EFCAB13: variants seen among roughly 807,000 people sequenced by gnomAD.
EFCAB13 encodes EF-hand calcium binding domain 13.
EFCAB13 carries 91 observed loss-of-function variants against 110.2 expected under a neutral mutation model. The ratio of observed to expected loss-of-function variants is 0.83; its 90% CI spans 0.70 to 0.98. The LOEUF (loss-of-function observed/expected upper bound fraction) is 0.98, where lower values mean the gene tolerates loss of function less well. Ranked by LOEUF, EFCAB13 falls within the 50% of genes least tolerant of loss-of-function variation. The pLI is 0.00. For synonymous variants in EFCAB13, 323 were observed against 369.9 expected, an observed-to-expected ratio of 0.87 and a Z score of 1.45; for missense variants, 968 against 1,119.4, an observed-to-expected ratio of 0.86 and a Z score of 1.93.
rs141180298 is a variant in EFCAB13, at chr17:47,440,144, T to C, written c.2639-287T>C. On this transcript the variant is annotated intron_variant, in intron 24 of 24. Coordinates refer to ENST00000331493, the MANE Select transcript of EFCAB13 (RefSeq NM_152347.5). ...TTAAAGAGGAATACATCCCTTGACA[T>C]ACTGTGGAAAATAAATAGAAGATGA... Among the ~76,000 whole-genome samples the C allele has an allele frequency of 2.4e-3, 370 of 152,256 alleles. 2 individuals carry two copies. The highest frequency in any genetic ancestry group is 3.8e-3 in the Non-Finnish European group (261 of 67,998).
chr17:47,384,752 C>G (rs1233573060), intron 14 of EFCAB13, among the ~76,000 whole-genome samples: 1 of 151,674 alleles, frequency 6.6e-6, no homozygotes, highest in Admixed American at 6.6e-5. Flanking sequence ...AACCTGACCT[C>G]TCTCTCTGGC....
chr17:47,427,159 C>A (rs891077705), intron 23 of EFCAB13, among the ~76,000 whole-genome samples: 1 of 152,042 alleles, frequency 6.6e-6, no homozygotes, highest in African/African-American at 2.4e-5. Context: ...AATGTAAATA[C>A]ATCACGTTTT....
intron 11 of EFCAB13, among the ~76,000 whole-genome samples, chr17:47,371,231 A>G (rs1041501917): frequency 2.0e-5 from 3 of 151,950 alleles, no homozygotes; most frequent in Non-Finnish European, 2.9e-5. Flanking sequence ...TTAGTTTAAT[A>G]TAGTCTCATT....
At chr17:47,428,590 C>T (rs1024723374) in intron 23 of EFCAB13, among the ~76,000 whole-genome samples, 9 of 152,018 alleles carry the variant, frequency 5.9e-5, no homozygotes, top group African/African-American at 2.2e-4. Context: ...ACATAATATG[C>T]CCATCGCCTT....
chr17:47,400,849 T>G (rs557056442), intron 17 of EFCAB13, among the ~76,000 whole-genome samples: 2 of 152,212 alleles, frequency 1.3e-5, no homozygotes, highest in African/African-American at 4.8e-5. Context: ...TACTGTAAAT[T>G]GAAGACACTT....
chr17:47,391,083 G>T (rs969050781), intron 14 of EFCAB13, among the ~76,000 whole-genome samples: 7 of 152,054 alleles, frequency 4.6e-5, no homozygotes, highest in Admixed American at 3.9e-4. Context: ...AGGAATACAG[G>T]TGCACACCAC....
chr17:47,409,344 A>C (rs2065821599), intron 20 of EFCAB13: 2 of 284,020 alleles, frequency 7.0e-6, no homozygotes, highest in Non-Finnish European at 1.3e-5. Context: ...ATTTTATTGA[A>C]TAGACCGGCT....
intron 17 of EFCAB13, among the ~76,000 whole-genome samples, chr17:47,397,443 G>A (rs1343180940): frequency 6.9e-6 from 1 of 145,288 alleles, no homozygotes; most frequent in African/African-American, 2.6e-5. Context: ...CCCCGTCTGG[G>A]AAGTGAGGAG....
chr17:47,414,937 G>A lies in EFCAB13; in HGVS notation c.2494+18G>A. On this transcript the variant is annotated intron_variant, in intron 23 of 24. Coordinates refer to ENST00000331493, the MANE Select transcript of EFCAB13 (RefSeq NM_152347.5). ...GTCCAAGGGTAAGTGAATACTTCTT[G>A]TTCAAGAGAATGGCTAGAAAATAAA... 1 of 1,508,520 alleles carries A rather than the reference G, an allele frequency of 6.6e-7. No individual in the cohort carries two copies. Among genetic ancestry groups the A allele is most frequent in the Non-Finnish European group, 9.1e-7 (1 of 1,097,092 alleles). 93.4% of individuals were successfully genotyped at this position (1,508,520 alleles called of 1,614,324 possible).
In EFCAB13 at chr17:47,440,652, C is replaced by T. The variant is rs759918419; in HGVS notation, c.2860C>T (p.His954Tyr). 1 of 1,605,322 alleles carries T rather than the reference C, an allele frequency of 6.2e-7. No individual in the cohort carries two copies. The highest frequency in any genetic ancestry group is 1.3e-5 in the African/African-American group (1 of 74,494). Residue 954 changes from histidine to tyrosine, a missense_variant, in exon 25 of 25, where the codon CAT (histidine) becomes TAT (tyrosine). Physicochemically the swap from His to Tyr is moderately conservative, Grantham distance 83. Transcript: ENST00000331493. ...MNIKQHKISLHNFCLNSKANI... is the reference protein window; with the variant it reads ...MNIKQHKISLYNFCLNSKANI... Reference sequence around the variant, plus strand: ...TATAAAACAACACAAGATTAGTTTACATAACTTCTGTTTGAATTCTAAGGC... The same window carrying T: ...TATAAAACAACACAAGATTAGTTTATATAACTTCTGTTTGAATTCTAAGGC...
At chr17:47,379,783 A>T (rs1413234674) in intron 14 of EFCAB13, among the ~76,000 whole-genome samples, 1 of 152,116 alleles carries the variant, frequency 6.6e-6, no homozygotes, top group African/African-American at 2.4e-5. Flanking sequence ...TTTTAGCAAG[A>T]TTAAAATGAG....
At chr17:47,333,100 G>A (rs56406726) in intron 4 of EFCAB13, among the ~76,000 whole-genome samples, 18,187 of 152,076 alleles carry the variant, frequency 0.12, 1,459 homozygotes, top group East Asian at 0.35. Flanking sequence ...GATAATAGCT[G>A]TTCTAACAGA....
chr17:47,404,560 A>G lies in EFCAB13; in HGVS notation c.2162-2A>G, dbSNP rs1304284189. On this transcript the variant is annotated splice_acceptor_variant, in intron 19 of 24. Transcript: ENST00000331493. LOFTEE classifies it high-confidence loss of function. Reference sequence around the variant, plus strand: ...TTTGTCATCTCTCTCTTTTCCTTGCAGAAGATAACATGGTGAACATTAAAG... The same window carrying G: ...TTTGTCATCTCTCTCTTTTCCTTGCGGAAGATAACATGGTGAACATTAAAG... 3.7e-6 allele frequency: 6 copies of G among 1,610,444 alleles called. No individual in the cohort carries two copies. Among genetic ancestry groups the G allele is most frequent in the Non-Finnish European group, 5.1e-6 (6 of 1,178,444 alleles).
At chr17:47,424,976 G>C (rs184267804) in intron 23 of EFCAB13, among the ~76,000 whole-genome samples, 3,068 of 133,258 alleles carry the variant, frequency 0.023, 110 homozygotes, top group East Asian at 0.2. Flanking sequence ...TCCGCCTCCC[G>C]GGTTCACGCC....
At chr17:47,383,247 T>C (rs530074299) in intron 14 of EFCAB13, among the ~76,000 whole-genome samples, 1 of 152,310 alleles carries the variant, frequency 6.6e-6, no homozygotes, top group South Asian at 2.1e-4. Context: ...GATTCATTGA[T>C]TTTTTGAAGT....
intron 24 of EFCAB13, among the ~76,000 whole-genome samples, chr17:47,434,775 AG>A (rs1905182399): frequency 6.6e-6 from 1 of 152,182 alleles, no homozygotes; most frequent in Non-Finnish European, 1.5e-5. Flanking sequence ...AACAAACAAA[AG>A]CATGAAGTAG....
chr17:47,424,205 C>T (rs530846506), intron 23 of EFCAB13, among the ~76,000 whole-genome samples: 161 of 152,324 alleles, frequency 1.1e-3, no homozygotes, highest in Admixed American at 2.2e-3. Flanking sequence ...ACGGCGGCAG[C>T]CAGGCTGTGC....
rs776396338 is a variant in EFCAB13, at chr17:47,429,979, G to A, written c.2638+18G>A. The stretch of plus-strand genomic sequence containing the variant: ...TGAACATGGTTAGTAGTTTCAATGC[G>A]TCTATCTTATAAGGACCATCCTCTA... On this transcript the variant is annotated intron_variant, in intron 24 of 24. Coordinates refer to ENST00000331493, the MANE Select transcript of EFCAB13 (RefSeq NM_152347.5). 39 of 1,581,046 alleles carry A rather than the reference G, an allele frequency of 2.5e-5. No individual in the cohort carries two copies. The Middle Eastern group carries it at 8.5e-4, about 34-fold the overall frequency.
chr17:47,394,162 A>G (rs185199728), intron 16 of EFCAB13, 63 bp downstream of exon 16: 4 of 1,085,532 alleles, frequency 3.7e-6, no homozygotes, highest in East Asian at 2.6e-5. Flanking sequence ...ATTTTAGAAG[A>G]GCGTAAACAC....
Sources: gnomAD v4.1 joint callset for allele counts (sites outside exome capture counted in the v4.1 genomes callset) on GRCh38, gnomAD v4.1.1 for gene constraint, MANE v1.5 for transcripts, NCBI Gene and HGNC (gene_info 2026-07-23, HGNC 2026-07-21) for gene names.